The following C9orf40 variants were observed in gnomAD, a reference collection of about 807,000 sequenced individuals.
C9orf40 encodes uncharacterized protein C9orf40.
C9orf40 carries 2 observed loss-of-function variants against 7.9 expected under a neutral mutation model. The observed-to-expected ratio is 0.25, with a 90% CI of 0.10 to 0.80. C9orf40 has a LOEUF of 0.80. Ranked by LOEUF, C9orf40 falls within the 30% of genes least tolerant of loss-of-function variation. C9orf40 has a pLI of 0.68. For synonymous variants in C9orf40, 113 were observed against 117.6 expected (o/e 0.96, Z 0.25); for missense variants, 256 against 268.5 (o/e 0.95, Z 0.33).
rs1832247394 is a variant in C9orf40 at position 74,946,968 on chromosome 9, T to C, written c.*1080A>G. 1 of 152,238 alleles carries C rather than the reference T, an allele frequency of 6.6e-6. No individual in the cohort carries two copies. Among genetic ancestry groups the C allele is most frequent in the Non-Finnish European group, 1.5e-5 (1 of 68,042 alleles). 9.4% of individuals were successfully genotyped at this position (152,238 alleles called of 1,614,324 possible). The stretch of plus-strand genomic sequence containing the variant: ...AATCACTGATACTCACATCACAAAT[T>C]GCTTACTTTATTTCTTTAACAATGA... On this transcript the variant is annotated 3_prime_UTR_variant, in exon 2 of 2. Transcript: ENST00000376854.
Position 74,952,072 on chromosome 9 carries a change from A to AC in C9orf40, c.426+113dup. ...CCCGGAGCGGTGACCCCTTCTTTCA[A>AC]CCCCCTCAGGCGTCTTAACCTACAC... is the stretch of plus-strand genomic sequence containing the variant. On this transcript the variant is annotated intron_variant, in intron 1 of 1. Transcript: ENST00000376854. This position sits in a 1 kb window ranked among gnomAD's most constrained non-coding sequence, Gnocchi z 5.4. 4.9e-6 allele frequency: 2 copies of AC among 409,510 alleles called. No homozygotes were observed. Among genetic ancestry groups the AC allele is most frequent in the Non-Finnish European group, 8.4e-6 (2 of 238,516 alleles). 25.4% of individuals were successfully genotyped at this position (409,510 alleles called of 1,614,324 possible). A position where few individuals can be genotyped will look rare whatever the true frequency, so the allele number is the denominator to read the frequency against.
Position 74,952,622 on chromosome 9 carries a change from G to A in C9orf40, c.-11C>T, listed in dbSNP as rs1378307348. 1 of 1,543,556 alleles carries A rather than the reference G, an allele frequency of 6.5e-7. No homozygotes were observed. ...ACGCCGCTTGGCCATGGGCCCAGAG[G>A]CTCGGGCGGAGCCCGCCAGGCGCGG... On this transcript the variant is annotated 5_prime_UTR_variant, in exon 1 of 2. Coordinates refer to ENST00000376854, the MANE Select transcript of C9orf40 (RefSeq NM_017998.3). This position sits in a 1 kb window ranked among gnomAD's most constrained non-coding sequence, Gnocchi z 5.4.
chr9:74,947,871 C>T lies in C9orf40; in HGVS notation c.*177G>A. 1.8e-6 allele frequency: 1 copy of T among 566,406 alleles called. No homozygotes were observed. The allele number at this position is 566,406 out of a possible 1,614,324, so 35.1% of individuals were successfully genotyped here. On this transcript the variant is annotated 3_prime_UTR_variant, in exon 2 of 2. Transcript: ENST00000376854. The stretch of plus-strand genomic sequence containing the variant: ...AACTGTACTCTATCCTTGACAAATC[C>T]TTATTAAGAGGTTCAGTAGTAACTG...
rs766819471 is a variant in C9orf40, at chr9:74,952,588, C to T, written c.24G>A (p.Glu8=). Residue 8 remains glutamate, a synonymous_variant, in exon 1 of 2, where the codon GAG becomes GAA. Transcript: ENST00000376854. This position sits in a 1 kb window ranked among gnomAD's most constrained non-coding sequence, Gnocchi z 5.4. ...TCCAAGGCACGTGGAACGTCACCGG[C>T]TCGGCCGCACGCCGCTTGGCCATGG... is the stretch of plus-strand genomic sequence containing the variant. MAKRRAA[E]PVTFHVPWKR... The T allele has an allele frequency of 1.3e-6, 2 of 1,572,622 alleles. No individual in the cohort carries two copies. Among genetic ancestry groups the T allele is most frequent in the South Asian group, 1.1e-5 (1 of 87,636 alleles).
At position 74,952,768 on chromosome 9, in the gene C9orf40, G is replaced by C; in HGVS notation, c.-157C>G. 4 of 638,042 alleles carry C rather than the reference G, an allele frequency of 6.3e-6. No individual in the cohort carries two copies. Among genetic ancestry groups the C allele is most frequent in the Non-Finnish European group, 1.0e-5 (4 of 389,088 alleles). 39.5% of individuals were successfully genotyped at this position (638,042 alleles called of 1,614,324 possible). A position where few individuals can be genotyped will look rare whatever the true frequency, so the allele number is the denominator to read the frequency against. Reference sequence around the variant, plus strand: ...TGGAGGGGGTAGGGCGGGGCAGCTCGCGCAGGGCCTAGGGCTGGGGCTCCG... The same window carrying C: ...TGGAGGGGGTAGGGCGGGGCAGCTCCCGCAGGGCCTAGGGCTGGGGCTCCG... On this transcript the variant is annotated 5_prime_UTR_variant, in exon 1 of 2. Coordinates refer to ENST00000376854, the MANE Select transcript of C9orf40 (RefSeq NM_017998.3). This position sits in a 1 kb window ranked among gnomAD's most constrained non-coding sequence, Gnocchi z 5.4.
At chr9:74,948,700 C>A (rs1337270356) in intron 1 of C9orf40, among the ~76,000 whole-genome samples, 1 of 151,716 alleles carries the variant, frequency 6.6e-6, no homozygotes, top group Non-Finnish European at 1.5e-5. Flanking sequence ...TGACGAATAG[C>A]AAGAAAATGT....
In C9orf40 at chr9:74,952,130, G is replaced by A. The variant is rs1044742016; in HGVS notation, c.426+56C>T. The A allele has an allele frequency of 9.9e-6, 6 of 608,674 alleles. No individual in the cohort carries two copies. In the South Asian group the frequency reaches 4.1e-4, roughly 42 times the overall value. The allele number at this position is 608,674 out of a possible 1,614,324, so 37.7% of individuals were successfully genotyped here. A position where few individuals can be genotyped will look rare whatever the true frequency, so the allele number is the denominator to read the frequency against. The stretch of plus-strand genomic sequence containing the variant: ...GAGTGGGAACCGGGGCGTTTTGTGT[G>A]TGTGGGGAAAAGGCAAGCCCCTTCG... On this transcript the variant is annotated intron_variant, in intron 1 of 1. Coordinates refer to ENST00000376854, the MANE Select transcript of C9orf40 (RefSeq NM_017998.3). The surrounding 1 kb of genome is among the most constrained non-coding windows in gnomAD (Gnocchi z 5.4).
intron 1 of C9orf40, among the ~76,000 whole-genome samples, chr9:74,950,604 A>G (rs1832285138): frequency 6.6e-6 from 1 of 152,186 alleles, no homozygotes; most frequent in African/African-American, 2.4e-5. Flanking sequence ...AAAAAAAAAA[A>G]AAAAGTCTTT....
chr9:74,952,179 C>T lies in C9orf40; in HGVS notation c.426+7G>A. On this transcript the variant is annotated splice_region_variant and intron_variant, in intron 1 of 1. Coordinates refer to ENST00000376854, the MANE Select transcript of C9orf40 (RefSeq NM_017998.3). This position sits in a 1 kb window ranked among gnomAD's most constrained non-coding sequence, Gnocchi z 5.4. ...CGCCCCTCAGCCCACCCGCCCCCAG[C>T]CCCTACCTGGCGCGATGCGACCCCC... 1 of 722,848 alleles carries T rather than the reference C, an allele frequency of 1.4e-6. No homozygotes were observed. Among genetic ancestry groups the T allele is most frequent in the Non-Finnish European group, 1.9e-6 (1 of 523,584 alleles). The allele number at this position is 722,848 out of a possible 1,614,324, so 44.8% of individuals were successfully genotyped here.
chr9:74,948,100 T>C lies in C9orf40; in HGVS notation c.533A>G (p.Glu178Gly). The C allele has an allele frequency of 6.2e-7, 1 of 1,614,122 alleles. No individual in the cohort carries two copies. The highest frequency in any genetic ancestry group is 8.5e-7 in the Non-Finnish European group (1 of 1,179,942). Residue 178 changes from glutamate to glycine, a missense_variant, in exon 2 of 2, where the codon GAA (glutamate) becomes GGA (glycine). By Grantham distance (98) the Glu-to-Gly change is moderately conservative (BLOSUM62 -2). Coordinates refer to ENST00000376854, the MANE Select transcript of C9orf40 (RefSeq NM_017998.3). ...TTCATTCCTGCCCTGAAGTGTTGCT[T>C]CTGTCAGGGTGTCTTCACTTAAATC... ...IEDLSEDTLTEATLQGRNEGA... is the reference protein window; with the variant it reads ...IEDLSEDTLTGATLQGRNEGA...
At chr9:74,948,836 T>C (rs191097072) in intron 1 of C9orf40, among the ~76,000 whole-genome samples, 1 of 152,330 alleles carries the variant, frequency 6.6e-6, no homozygotes, top group Admixed American at 6.5e-5. Context: ...CTGTCTTCTA[T>C]GCTGAGCCTT....
chr9:74,952,687 G>T lies in C9orf40; in HGVS notation c.-76C>A. ...ATAGCTGCGGGGGGCGAAGAGCGAGGACTGAGCGCGTGAGAGAGGGACAGG... is the reference window on the plus strand; with the variant it reads ...ATAGCTGCGGGGGGCGAAGAGCGAGTACTGAGCGCGTGAGAGAGGGACAGG... On this transcript the variant is annotated 5_prime_UTR_variant, in exon 1 of 2. Transcript: ENST00000376854. This position sits in a 1 kb window ranked among gnomAD's most constrained non-coding sequence, Gnocchi z 5.4. 7.3e-7 allele frequency: 1 copy of T among 1,362,192 alleles called. No homozygotes were observed. Among genetic ancestry groups the T allele is most frequent in the South Asian group, 1.4e-5 (1 of 72,360 alleles). The allele number at this position is 1,362,192 out of a possible 1,614,324, so 84.4% of individuals were successfully genotyped here. A position where few individuals can be genotyped will look rare whatever the true frequency, so the allele number is the denominator to read the frequency against.
At chr9:74,948,850 GAA>G (rs2118675676) in intron 1 of C9orf40, among the ~76,000 whole-genome samples, 1 of 152,228 alleles carries the variant, frequency 6.6e-6, no homozygotes, top group East Asian at 1.9e-4. Flanking sequence ...GAGCCTTAAA[GAA>G]TTAAGTTTTG....
intron 1 of C9orf40, among the ~76,000 whole-genome samples, chr9:74,948,436 A>G (rs1832265241): frequency 6.6e-6 from 1 of 152,222 alleles, no homozygotes; most frequent in Non-Finnish European, 1.5e-5. Flanking sequence ...TGTTAAATTT[A>G]AAGGAATTTC....
Position 74,947,358 on chromosome 9 carries a change from A to T in C9orf40, c.*690T>A, listed in dbSNP as rs2118672226. On this transcript the variant is annotated 3_prime_UTR_variant, in exon 2 of 2. Transcript: ENST00000376854. ...TCAAAACCAAGAAGCTGATTATACA[A>T]TAAATTTTTTCCTCTAATCCTGGGA... The T allele has an allele frequency of 6.5e-6, 1 of 152,778 alleles. No individual in the cohort carries two copies. Among genetic ancestry groups the T allele is most frequent in the East Asian group, 1.9e-4 (1 of 5,192 alleles). The allele number at this position is 152,778 out of a possible 1,614,324, so 9.5% of individuals were successfully genotyped here.
Position 74,952,570 on chromosome 9 carries a change from CACGTGGA to C in C9orf40, c.35_41del (p.Phe12CysfsTer158). ...CGCAAAGCAGGAGCCGCTTCCAAGGCACGTGGAACGTCACCGGCTCGGCCGCACGCCG... is the reference window on the plus strand; with the variant it reads ...CGCAAAGCAGGAGCCGCTTCCAAGGCACGTCACCGGCTCGGCCGCACGCCG... On this transcript the variant is annotated frameshift_variant, in exon 1 of 2. Coordinates refer to ENST00000376854, the MANE Select transcript of C9orf40 (RefSeq NM_017998.3). LOFTEE classifies it high-confidence loss of function. This position sits in a 1 kb window ranked among gnomAD's most constrained non-coding sequence, Gnocchi z 5.4. The C allele has an allele frequency of 6.3e-7, 1 of 1,585,272 alleles. No individual in the cohort carries two copies. Among genetic ancestry groups the C allele is most frequent in the Non-Finnish European group, 8.5e-7 (1 of 1,175,120 alleles).
At chr9:74,948,571 C>T (rs1832266699) in intron 1 of C9orf40, among the ~76,000 whole-genome samples, 1 of 152,138 alleles carries the variant, frequency 6.6e-6, no homozygotes, top group Admixed American at 6.5e-5. Flanking sequence ...AATACAAACA[C>T]AGACACACTC....
Position 74,952,814 on chromosome 9 carries a change from C to T in C9orf40, c.-203G>A, listed in dbSNP as rs545541213. 3.5e-4 allele frequency: 181 copies of T among 511,172 alleles called. 2 individuals are homozygous for T. The highest frequency in any genetic ancestry group is 3.1e-3 in the African/African-American group (155 of 49,302). The allele number at this position is 511,172 out of a possible 1,614,324, so 31.7% of individuals were successfully genotyped here. A position where few individuals can be genotyped will look rare whatever the true frequency, so the allele number is the denominator to read the frequency against. ...CTCCGGCTCGGAGGCAGCTCCCGCG[C>T]TCAGCCCTCGCCGCCGCCGAGATGC... On this transcript the variant is annotated 5_prime_UTR_variant, in exon 1 of 2. Coordinates refer to ENST00000376854, the MANE Select transcript of C9orf40 (RefSeq NM_017998.3). The surrounding 1 kb of genome is among the most constrained non-coding windows in gnomAD (Gnocchi z 5.4).
rs1587636788 is a variant in C9orf40 at position 74,952,604 on chromosome 9, T to C, written c.8A>G (p.Lys3Arg). Residue 3 changes from lysine to arginine, a missense_variant, in exon 1 of 2, where the codon AAG (lysine) becomes AGG (arginine). Lys to Arg is a conservative substitution (Grantham distance 26). Coordinates refer to ENST00000376854, the MANE Select transcript of C9orf40 (RefSeq NM_017998.3). The surrounding 1 kb of genome is among the most constrained non-coding windows in gnomAD (Gnocchi z 5.4). MA[K>R]RRAAEPVTFH... ...CGTCACCGGCTCGGCCGCACGCCGC[T>C]TGGCCATGGGCCCAGAGGCTCGGGC... 1 of 1,565,464 alleles carries C rather than the reference T, an allele frequency of 6.4e-7. No homozygotes were observed. Among genetic ancestry groups the C allele is most frequent in the Non-Finnish European group, 8.6e-7 (1 of 1,166,210 alleles).
Sources: gnomAD v4.1 joint callset for allele counts (sites outside exome capture counted in the v4.1 genomes callset) on GRCh38, gnomAD v4.1.1 for gene constraint, Gnocchi (gnomAD v3.1) non-coding constraint, MANE v1.5 for transcripts, NCBI Gene and HGNC (gene_info 2026-07-23, HGNC 2026-07-21) for gene names.